ULK4: variants seen among roughly 807,000 people sequenced by gnomAD.
ULK4 encodes unc-51 like kinase 4, also known as inactive serine/threonine-protein kinase ULK4.
A neutral mutation model predicts 160.6 loss-of-function variants in ULK4; 133 were observed. That is an observed-to-expected ratio of 0.83 (90% confidence interval 0.72 to 0.96). The LOEUF (loss-of-function observed/expected upper bound fraction) is 0.96, where lower values mean the gene tolerates loss of function less well. Ranked by LOEUF, ULK4 falls within the 40% of genes least tolerant of loss-of-function variation. The pLI, the probability that ULK4 is intolerant of heterozygous loss-of-function variation, is 0.00. For synonymous variants in ULK4, 534 were observed against 539.8 expected, an observed-to-expected ratio of 0.99 and a Z score of 0.15; for missense variants, 1,580 against 1,499.5, an observed-to-expected ratio of 1.05 and a Z score of -0.89.
chr3:41,727,319 A>G (rs527516387), intron 22 of ULK4, among the ~76,000 whole-genome samples: 35 of 152,310 alleles, frequency 2.3e-4, no homozygotes, highest in South Asian at 1.7e-3. Flanking sequence ...TGTGCTAAGT[A>G]TTTTTCTAGT....
At chr3:41,889,402 G>C (rs1249284018) in intron 16 of ULK4, among the ~76,000 whole-genome samples, 1 of 151,998 alleles carries the variant, frequency 6.6e-6, no homozygotes, top group East Asian at 1.9e-4. Flanking sequence ...AAATTAACTG[G>C]AAATCCTAAA....
intron 16 of ULK4, among the ~76,000 whole-genome samples, chr3:41,894,128 CAGA>C (rs1698071275): frequency 6.6e-6 from 1 of 152,152 alleles, no homozygotes; most frequent in African/African-American, 2.4e-5. Flanking sequence ...CGGGCTGATA[CAGA>C]AGGATGACTG....
At chr3:41,380,617 C>T (rs1316016278) in intron 35 of ULK4, among the ~76,000 whole-genome samples, 2 of 152,136 alleles carry the variant, frequency 1.3e-5, no homozygotes, top group African/African-American at 4.8e-5. Flanking sequence ...CCTCACCCAT[C>T]CAGTTGGCCT....
intron 35 of ULK4, among the ~76,000 whole-genome samples, chr3:41,290,094 C>T (rs992209488): frequency 6.6e-6 from 1 of 152,088 alleles, no homozygotes; most frequent in Non-Finnish European, 1.5e-5. Context: ...AGGCTGGTCT[C>T]GAACTCCTGA....
intron 35 of ULK4, among the ~76,000 whole-genome samples, chr3:41,268,645 A>C (rs1191652240): frequency 6.6e-6 from 1 of 151,946 alleles, no homozygotes; most frequent in Non-Finnish European, 1.5e-5. Flanking sequence ...ATCTCTACTA[A>C]AAATGCAAAA....
chr3:41,685,411 A>G lies in ULK4; in HGVS notation c.2782-3607T>C, dbSNP rs530497610. Among the ~76,000 whole-genome samples, 3 of 152,218 alleles carry G rather than the reference A, an allele frequency of 2.0e-5. No homozygotes were observed. The East Asian group carries it at 5.8e-4, about 29-fold the overall frequency. ...TCCCACTGATCACAAAACCCATACC[A>G]CTACCTCACTGATGTCTTACCCACT... is the stretch of plus-strand genomic sequence containing the variant. On this transcript the variant is annotated intron_variant, in intron 27 of 36. Coordinates refer to ENST00000301831, the MANE Select transcript of ULK4 (RefSeq NM_017886.4).
chr3:41,290,122 G>A (rs536432954), intron 35 of ULK4, among the ~76,000 whole-genome samples: 9 of 152,152 alleles, frequency 5.9e-5, no homozygotes, highest in East Asian at 5.8e-4. Flanking sequence ...TGATCTGCCC[G>A]CCTTGGCCTC....
intron 17 of ULK4, among the ~76,000 whole-genome samples, chr3:41,864,030 C>T (rs183384102): frequency 3.9e-4 from 60 of 152,218 alleles, no homozygotes; most frequent in African/African-American, 1.3e-3. Context: ...AAGTTGCAGT[C>T]CTTATGGCCT....
intron 31 of ULK4, among the ~76,000 whole-genome samples, chr3:41,571,865 C>T (rs1182124033): frequency 6.6e-6 from 1 of 152,154 alleles, no homozygotes; most frequent in Non-Finnish European, 1.5e-5. Context: ...TGCCCTGATA[C>T]ATGCAAGGAG....
At chr3:41,635,219 G>C (rs1020075266) in intron 30 of ULK4, among the ~76,000 whole-genome samples, 1 of 152,002 alleles carries the variant, frequency 6.6e-6, no homozygotes, top group Admixed American at 6.6e-5. Flanking sequence ...AAGTTACTAA[G>C]AAACAAAAAT....
At chr3:41,555,251 A>T (rs901226061) in intron 32 of ULK4, among the ~76,000 whole-genome samples, 2 of 151,866 alleles carry the variant, frequency 1.3e-5, no homozygotes, top group Non-Finnish European at 2.9e-5. Flanking sequence ...AAAAGTACAA[A>T]TTTTTGCAAA....
At chr3:41,937,344 T>C (rs777151098) in intron 3 of ULK4, 98 of 690,830 alleles carry the variant, frequency 1.4e-4, no homozygotes, top group Non-Finnish European at 2.5e-4. Flanking sequence ...TCCTGTCCTA[T>C]TGATTCAGAA....
At chr3:41,427,339 G>T (rs894527565) in intron 34 of ULK4, among the ~76,000 whole-genome samples, 3 of 147,728 alleles carry the variant, frequency 2.0e-5, no homozygotes, top group African/African-American at 7.5e-5. Flanking sequence ...GAGGTACAAA[G>T]AGAAGCTAGT....
chr3:41,301,244 A>G (rs578016517), intron 35 of ULK4, among the ~76,000 whole-genome samples: 1 of 150,780 alleles, frequency 6.6e-6, no homozygotes, highest in Non-Finnish European at 1.5e-5. Flanking sequence ...GATACAGAGA[A>G]TATTATACTA....
At chr3:41,773,068 T>G (rs1310825253) in intron 21 of ULK4, among the ~76,000 whole-genome samples, 1 of 152,112 alleles carries the variant, frequency 6.6e-6, no homozygotes, top group Admixed American at 6.6e-5. Flanking sequence ...ATGGGACATA[T>G]CTCGAAATAA....
chr3:41,502,309 C>T (rs1372307740), intron 32 of ULK4, among the ~76,000 whole-genome samples: 1 of 152,204 alleles, frequency 6.6e-6, no homozygotes, highest in Non-Finnish European at 1.5e-5. Flanking sequence ...ATTTACATTT[C>T]CACTAACAGC....
intron 32 of ULK4, among the ~76,000 whole-genome samples, chr3:41,523,902 A>C (rs1211528342): frequency 1.3e-5 from 2 of 152,246 alleles, no homozygotes; most frequent in Non-Finnish European, 2.9e-5. Context: ...TGAATGGATA[A>C]ACAAAATGTA....
chr3:41,784,197 G>A (rs1452043030), intron 21 of ULK4, among the ~76,000 whole-genome samples: 1 of 152,160 alleles, frequency 6.6e-6, no homozygotes, highest in Non-Finnish European at 1.5e-5. Flanking sequence ...CACTTTGGGA[G>A]GCCGAGGCAG....
At chr3:41,771,706 G>A (rs952114490) in intron 21 of ULK4, among the ~76,000 whole-genome samples, 31 of 151,894 alleles carry the variant, frequency 2.0e-4, no homozygotes, top group Admixed American at 2.0e-3. Context: ...AAGAAAAAAC[G>A]ACTGAAACTT....
Sources: gnomAD v4.1 joint callset for allele counts (sites outside exome capture counted in the v4.1 genomes callset) on GRCh38, gnomAD v4.1.1 for gene constraint, MANE v1.5 for transcripts, NCBI Gene and HGNC (gene_info 2026-07-23, HGNC 2026-07-21) for gene names.